The following CCL23 variants were observed in gnomAD, a reference collection of about 807,000 sequenced individuals.
CCL23 encodes C-C motif chemokine ligand 23, also known as C-C motif chemokine 23.
A neutral mutation model predicts 11.8 loss-of-function variants in CCL23; 10 were observed. That is an observed-to-expected ratio of 0.84 (90% CI 0.52 to 1.43). The LOEUF is 1.43. Among genes scored for constraint, CCL23 ranks in the 40% most tolerant of loss-of-function variants. The pLI is 0.00. For synonymous variants in CCL23, 60 were observed against 61.0 expected (o/e 0.98, Z 0.07); for missense variants, 181 against 170.9 (o/e 1.06, Z -0.33).
intron 1 of CCL23, 79 bp downstream of exon 1, chr17:36,017,743 C>T (rs2142027345): frequency 1.5e-6 from 2 of 1,299,616 alleles, no homozygotes; most frequent in South Asian, 2.5e-5. Flanking sequence ...AGAGTAGTTA[C>T]AGGAGGGCAA....
rs1169681624 is a variant in CCL23 at position 36,014,325 on chromosome 17, A to G, written c.136+9T>C. ...TGCTTTTAAATATATGCCGTATCTG[A>G]TCACTTACTGTCCAGAAGTACTGGA... On this transcript the variant is annotated intron_variant, in intron 2 of 3. Coordinates refer to ENST00000615050, the MANE Select transcript of CCL23 (RefSeq NM_005064.6). 1 of 1,599,688 alleles carries G rather than the reference A, an allele frequency of 6.3e-7. No homozygotes were observed. The highest frequency in any genetic ancestry group is 1.7e-5 in the Admixed American group (1 of 60,012).
intron 1 of CCL23, 24 bp from the exon 2 acceptor site, chr17:36,014,417 G>C: frequency 1.3e-6 from 2 of 1,594,118 alleles, no homozygotes; most frequent in Non-Finnish European, 1.7e-6. Context: ...ACAGGACAGG[G>C]AAGGAAATCA....
At chr17:36,013,680 C>T in intron 3 of CCL23, 64 bp downstream of exon 3, 1 of 1,531,728 alleles carries the variant, frequency 6.5e-7, no homozygotes, top group East Asian at 2.3e-5. Context: ...TCTATCAGGT[C>T]CTCCCTGCAA....
In CCL23 at chr17:36,017,290, C is replaced by T. The variant is rs554159612; in HGVS notation, c.76+532G>A. Reference sequence around the variant, plus strand: ...TATCCCACAGGGTTGTTAGGTGGAACTGATGTGTTAATATCTGTAAGACAC... The same window carrying T: ...TATCCCACAGGGTTGTTAGGTGGAATTGATGTGTTAATATCTGTAAGACAC... On this transcript the variant is annotated intron_variant, in intron 1 of 3. Coordinates refer to ENST00000615050, the MANE Select transcript of CCL23 (RefSeq NM_005064.6). Among the ~76,000 whole-genome samples the T allele has an allele frequency of 6.6e-5, 10 of 152,244 alleles. No homozygotes were observed. In the South Asian group the frequency reaches 1.9e-3, roughly 28 times the overall value.
intron 1 of CCL23, 21 bp from the exon 2 acceptor site, chr17:36,014,414 A>T (rs775880079): frequency 5.0e-6 from 8 of 1,601,486 alleles, no homozygotes; most frequent in Non-Finnish European, 5.1e-6. Flanking sequence ...CAGACAGGAC[A>T]GGGAAGGAAA....
In CCL23 at chr17:36,016,209, G is replaced by A. The variant is rs571670011; in HGVS notation, c.76+1613C>T. Among the ~76,000 whole-genome samples, 19 of 151,730 alleles carry A rather than the reference G, an allele frequency of 1.3e-4. 1 individual carries two copies. In the South Asian group the frequency reaches 2.9e-3, roughly 23 times the overall value. On this transcript the variant is annotated intron_variant, in intron 1 of 3. Transcript: ENST00000615050. ...AAGTTCTGGTATACCTGTGCTGAAC[G>A]CGCAGGTTCATTACATAGGTATACA...
chr17:36,015,450 T>A (rs965872160), intron 1 of CCL23, among the ~76,000 whole-genome samples: 1 of 152,220 alleles, frequency 6.6e-6, no homozygotes, highest in Non-Finnish European at 1.5e-5. Flanking sequence ...TCATCAATAA[T>A]GCTGCTATGA....
chr17:36,014,365 C>A lies in CCL23; in HGVS notation c.105G>T (p.Lys35Asn). 1 of 1,613,656 alleles carries A rather than the reference C, an allele frequency of 6.2e-7. No individual in the cohort carries two copies. Among genetic ancestry groups the A allele is most frequent in the Non-Finnish European group, 8.5e-7 (1 of 1,179,532 alleles). The change falls in exon 2 of 4, where the codon AAG (lysine) becomes AAT (asparagine). Residue 35 changes from lysine (K) to asparagine (N), a missense_variant. Transcript: ENST00000615050. ...KDAETEFMMS[K>N]LPLENPVLLD... ...GAAGTACTGGATTTTCCAATGGAAG[C>A]TTTGACATCATGAACTCTGTCTCTG...
chr17:36,016,616 T>A (rs553270153), intron 1 of CCL23, among the ~76,000 whole-genome samples: 4 of 151,992 alleles, frequency 2.6e-5, no homozygotes, highest in Non-Finnish European at 5.9e-5. Flanking sequence ...CTATTGTGAT[T>A]AGTGCTGCAA....
In CCL23 at chr17:36,014,383, T is replaced by C; in HGVS notation, c.87A>G (p.Thr29=). 6.2e-7 allele frequency: 1 copy of C among 1,613,298 alleles called. No individual in the cohort carries two copies. The highest frequency in any genetic ancestry group is 2.2e-5 in the East Asian group (1 of 44,886). Residue 29 remains threonine, a synonymous_variant, in exon 2 of 4, where the codon ACA becomes ACG. Coordinates refer to ENST00000615050, the MANE Select transcript of CCL23 (RefSeq NM_005064.6). ...SQARVTKDAE[T]EFMMSKLPLE... Reference sequence around the variant, plus strand: ...ATGGAAGCTTTGACATCATGAACTCTGTCTCTGCATCTGGAAGAAGCAGAC... The same window carrying C: ...ATGGAAGCTTTGACATCATGAACTCCGTCTCTGCATCTGGAAGAAGCAGAC...
At chr17:36,014,282 A>G in intron 2 of CCL23, 52 bp downstream of exon 2, 2 of 1,300,038 alleles carry the variant, frequency 1.5e-6, no homozygotes, top group Non-Finnish European at 2.2e-6. Context: ...CCCATAGTGC[A>G]GACCTGCACC....
intron 3 of CCL23, 154 bp downstream of exon 3, chr17:36,013,590 G>A (rs970102640): frequency 1.9e-5 from 13 of 698,534 alleles, no homozygotes; most frequent in Middle Eastern, 4.0e-4. Context: ...TCTCATCCCC[G>A]ATGCCCTGCA....
At chr17:36,017,206 T>C (rs1275623273) in intron 1 of CCL23, among the ~76,000 whole-genome samples, 1 of 152,166 alleles carries the variant, frequency 6.6e-6, no homozygotes, top group Non-Finnish European at 1.5e-5. Flanking sequence ...ATATAAAAGT[T>C]GATGTTTTGT....
intron 1 of CCL23, 57 bp from the exon 2 acceptor site, chr17:36,014,450 C>T: frequency 7.5e-7 from 1 of 1,336,812 alleles, no homozygotes; most frequent in Admixed American, 1.7e-5. Flanking sequence ...ATTGTTTCAG[C>T]ATCTCCACCC....
chr17:36,013,975 G>GGTCAC, intron 2 of CCL23, 66 bp from the exon 3 acceptor site: 1 of 1,488,932 alleles, frequency 6.7e-7, no homozygotes, highest in Non-Finnish European at 9.3e-7. Flanking sequence ...AGCACTTGCT[G>GGTCAC]GCATCTCCCT....
At chr17:36,013,415 T>G (rs554015279) in intron 3 of CCL23, 107 bp from the exon 4 acceptor site, 3 of 667,258 alleles carry the variant, frequency 4.5e-6, no homozygotes, top group Non-Finnish European at 7.8e-6. Context: ...ATATAGCCAG[T>G]TTTTTTTTCT....
At chr17:36,013,588 C>T in intron 3 of CCL23, 156 bp downstream of exon 3, 1 of 695,376 alleles carries the variant, frequency 1.4e-6, no homozygotes, top group Non-Finnish European at 2.4e-6. Context: ...TGTCTCATCC[C>T]CGATGCCCTG....
At position 36,014,185 on chromosome 17, in the gene CCL23, ATAGCCCGTC is replaced by A; in HGVS notation, c.136+140_136+148del. ...GAAGGCATCTATGGAGGGGGTTCCC[ATAGCCCGTC>A]CTGATCTTCCTTGGAGATGTTCACC... On this transcript the variant is annotated intron_variant, in intron 2 of 3. Transcript: ENST00000615050. 7 of 479,200 alleles carry A rather than the reference ATAGCCCGTC, an allele frequency of 1.5e-5. 2 individuals carry two copies. The highest frequency in any genetic ancestry group is 9.1e-5 in the African/African-American group (2 of 22,034). 29.7% of individuals were successfully genotyped at this position (479,200 alleles called of 1,614,324 possible). A position where few individuals can be genotyped will look rare whatever the true frequency, so the allele number is the denominator to read the frequency against.
rs537676183 is a variant in CCL23 at position 36,015,072 on chromosome 17, T to C, written c.77-679A>G. 2.0e-5 allele frequency among the ~76,000 whole-genome samples: 3 copies of C among 152,308 alleles called. No homozygotes were observed. In the South Asian group the frequency reaches 6.2e-4, roughly 32 times the overall value. On this transcript the variant is annotated intron_variant, in intron 1 of 3. Coordinates refer to ENST00000615050, the MANE Select transcript of CCL23 (RefSeq NM_005064.6). Reference sequence around the variant, plus strand: ...AGTTTTCACGGCCGTTCATTCATTTTGTGAAACTGAAACTCTGTATTCATT... The same window carrying C: ...AGTTTTCACGGCCGTTCATTCATTTCGTGAAACTGAAACTCTGTATTCATT...
Sources: gnomAD v4.1 joint callset for allele counts (sites outside exome capture counted in the v4.1 genomes callset) on GRCh38, gnomAD v4.1.1 for gene constraint, MANE v1.5 for transcripts, NCBI Gene and HGNC (gene_info 2026-07-23, HGNC 2026-07-21) for gene names.